The following PLEKHG3 variants were observed in gnomAD, a reference collection of about 807,000 sequenced individuals.
The protein encoded by PLEKHG3 is pleckstrin homology and RhoGEF domain containing G3, also known as pleckstrin homology domain-containing family G member 3.
A neutral mutation model predicts 94.9 loss-of-function variants in PLEKHG3; 62 were observed. The ratio of observed to expected loss-of-function variants is 0.65; its 90% CI spans 0.53 to 0.81. The LOEUF (loss-of-function observed/expected upper bound fraction) is 0.81. PLEKHG3 is among the 30% of genes least tolerant of loss of function. The pLI, the probability that PLEKHG3 is intolerant of heterozygous loss-of-function variation, is 0.00. For missense variants in PLEKHG3, 1,461 were observed against 1,619.3 expected, an observed-to-expected ratio of 0.90 and a Z score of 1.68; for synonymous variants, 614 against 654.0, an observed-to-expected ratio of 0.94 and a Z score of 0.93.
chr14:64,717,097 C>T lies in PLEKHG3; in HGVS notation c.-39-10496C>T, dbSNP rs889427586. 6.7e-5 allele frequency among the ~76,000 whole-genome samples: 10 copies of T among 148,592 alleles called. No individual in the cohort carries two copies. The highest frequency in any genetic ancestry group is 2.3e-4 in the African/African-American group (9 of 39,574). On this transcript the variant is annotated intron_variant, in intron 1 of 16. Transcript: ENST00000247226. This position sits in a 1 kb window ranked among gnomAD's most constrained non-coding sequence, Gnocchi z 4.7. ...CCCTGCTGGCTGAAGGGCTGGCCGC[C>T]TTTGGGAATTTACACGTGTGTGTGT...
chr14:64,710,860 C>T (rs1594657370), intron 1 of PLEKHG3, among the ~76,000 whole-genome samples: 1 of 151,508 alleles, frequency 6.6e-6, no homozygotes, highest in Admixed American at 6.6e-5. Context: ...TGACTTGGCA[C>T]ACCTTGGGTG....
rs530386978 is a variant in PLEKHG3 at position 64,717,369 on chromosome 14, G to A, written c.-39-10224G>A. Among the ~76,000 whole-genome samples the A allele has an allele frequency of 3.3e-5, 5 of 152,288 alleles. No homozygotes were observed. In the South Asian group the frequency reaches 8.3e-4, roughly 25 times the overall value. On this transcript the variant is annotated intron_variant, in intron 1 of 16. Coordinates refer to ENST00000247226, the MANE Select transcript of PLEKHG3 (RefSeq NM_001308147.2). This position sits in a 1 kb window ranked among gnomAD's most constrained non-coding sequence, Gnocchi z 4.7. ...GCTCATGCTTGGAATTGGGAAGGGA[G>A]TTGTGTTTTAGGGAATTGCCCTGGC...
Position 64,727,667 on chromosome 14 carries a change from C to G in PLEKHG3, c.36C>G (p.Ser12Arg), listed in dbSNP as rs1489835512. The change falls in exon 2 of 17, where the codon AGC (serine) becomes AGG (arginine). Residue 12 changes from serine to arginine, a missense_variant. This residue lies in a region of PLEKHG3 where 253 missense variants were observed against 297.8 expected (regional missense o/e 0.85). Coordinates refer to ENST00000247226, the MANE Select transcript of PLEKHG3 (RefSeq NM_001308147.2). The surrounding 1 kb of genome is among the most constrained non-coding windows in gnomAD (Gnocchi z 6.0). ...CCACCTCCCTCCACCAGGATGGCAGCCAGGAGCGGCCGGTGAGCCTGACCT... is the reference window on the plus strand; with the variant it reads ...CCACCTCCCTCCACCAGGATGGCAGGCAGGAGCGGCCGGTGAGCCTGACCT... Reference protein sequence around the residue: ...PVSTSLHQDGSQERPVSLTST... With the variant: ...PVSTSLHQDGRQERPVSLTST... 1 of 1,612,312 alleles carries G rather than the reference C, an allele frequency of 6.2e-7. No homozygotes were observed.
rs1452802089 is a variant in PLEKHG3, at chr14:64,742,071, C to G, written c.2554C>G (p.His852Asp). Residue 852 changes from histidine (H) to aspartate (D), a missense_variant, in exon 16 of 17, where the codon CAT becomes GAT. Physicochemically the swap from His to Asp is moderately conservative, Grantham distance 81 (BLOSUM62 -1). Transcript: ENST00000247226. ...LHEPLFILEE[H>D]ELGAITEESA... ...TGAGCCACTCTTCATCCTGGAGGAG[C>G]ATGAGCTGGGAGCCATCACAGAGGA... The G allele has an allele frequency of 3.7e-6, 6 of 1,607,474 alleles. No homozygotes were observed. The African/African-American group carries it at 5.3e-5, about 14-fold the overall frequency.
Position 64,741,826 on chromosome 14 carries a change from C to T in PLEKHG3, c.2309C>T (p.Pro770Leu). ...CGGCCAGACCCAGAGCCAGTACCTCCAGTGGGGAGCAAGAGACAGGTGGGC... is the reference window on the plus strand; with the variant it reads ...CGGCCAGACCCAGAGCCAGTACCTCTAGTGGGGAGCAAGAGACAGGTGGGC... ...LPRPDPEPVPPVGSKRQVGSR... is the reference protein window; with the variant it reads ...LPRPDPEPVPLVGSKRQVGSR... The change falls in exon 16 of 17, where the codon CCA becomes CTA. Residue 770 changes from proline (P) to leucine (L), a missense_variant. Coordinates refer to ENST00000247226, the MANE Select transcript of PLEKHG3 (RefSeq NM_001308147.2). The T allele has an allele frequency of 6.2e-7, 1 of 1,613,628 alleles. No homozygotes were observed. The highest frequency in any genetic ancestry group is 8.5e-7 in the Non-Finnish European group (1 of 1,180,026).
Position 64,741,035 on chromosome 14 carries a change from G to A in PLEKHG3, c.1519-1G>A. Reference sequence around the variant, plus strand: ...TGTGAGCCTTTTCTGCTATGTTTCAGGTTGAGCCGGACCCTGAGGCTGGGA... The same window carrying A: ...TGTGAGCCTTTTCTGCTATGTTTCAAGTTGAGCCGGACCCTGAGGCTGGGA... On this transcript the variant is annotated splice_acceptor_variant, in intron 15 of 16. Coordinates refer to ENST00000247226, the MANE Select transcript of PLEKHG3 (RefSeq NM_001308147.2). LOFTEE classifies it high-confidence loss of function. The A allele has an allele frequency of 6.4e-7, 1 of 1,572,486 alleles. No individual in the cohort carries two copies. The highest frequency in any genetic ancestry group is 8.6e-7 in the Non-Finnish European group (1 of 1,157,672).
At chr14:64,719,178 C>G (rs901119972) in intron 1 of PLEKHG3, among the ~76,000 whole-genome samples, 12 of 152,182 alleles carry the variant, frequency 7.9e-5, no homozygotes, top group African/African-American at 2.9e-4. Context: ...GATGGATAAA[C>G]ACACGGGTGG....
intron 13 of PLEKHG3, 28 bp downstream of exon 13, chr14:64,736,919 C>T (rs961088512): frequency 3.1e-6 from 5 of 1,592,818 alleles, no homozygotes; most frequent in Non-Finnish European, 4.3e-6. Context: ...CCAGCCATTC[C>T]CAGTGAGCGG....
Position 64,742,161 on chromosome 14 carries a change from C to CACCAG in PLEKHG3, c.2644_2645insACCAG (p.Arg882HisfsTer5). 6.2e-7 allele frequency: 1 copy of CACCAG among 1,612,258 alleles called. No homozygotes were observed. Among genetic ancestry groups the CACCAG allele is most frequent in the Non-Finnish European group, 8.5e-7 (1 of 1,179,980 alleles). On this transcript the variant is annotated frameshift_variant, in exon 16 of 17. Coordinates refer to ENST00000247226, the MANE Select transcript of PLEKHG3 (RefSeq NM_001308147.2). LOFTEE classifies it high-confidence loss of function. ...GGGGCGCAGCCCGGCCCACCTGGCC[C>CACCAG]GGGAGCTGAAAGAGCTGGTGAAGGA...
chr14:64,724,527 C>G (rs999609939), intron 1 of PLEKHG3, among the ~76,000 whole-genome samples: 3 of 152,320 alleles, frequency 2.0e-5, no homozygotes, highest in South Asian at 4.2e-4. Context: ...TACCCATGAC[C>G]TGTGATCCTT....
chr14:64,733,975 A>G (rs2081523472), intron 12 of PLEKHG3, among the ~76,000 whole-genome samples: 1 of 152,134 alleles, frequency 6.6e-6, no homozygotes. Context: ...ACCCTGGGAG[A>G]GAAGGATTCT....
At position 64,749,724 on chromosome 14, in the gene PLEKHG3, G is replaced by A. The variant is rs144652241; in HGVS notation, c.*6021G>A. On this transcript the variant is annotated 3_prime_UTR_variant, in exon 17 of 17. Transcript: ENST00000247226. The surrounding 1 kb of genome is among the most constrained non-coding windows in gnomAD (Gnocchi z 4.7). The stretch of plus-strand genomic sequence containing the variant: ...AGGAGGACAAAGGGTTTCCTGTCAT[G>A]GAGACACCTCTGGAGGGGGCGCTGG... 2.0e-3 allele frequency: 3,303 copies of A among 1,612,092 alleles called. 72 individuals are homozygous for A. The African/African-American group carries it at 0.039, about 19-fold the overall frequency.
In PLEKHG3 at chr14:64,731,843, G is replaced by GGGGCT. The variant is rs2081473379; in HGVS notation, c.1125+37_1125+38insGGGCT. ...GTGGGGCTCAGGGGCTAGGGAACAA[G>GGGGCT]ATGCCCAGGGGACACCTGCGTGGGA... On this transcript the variant is annotated intron_variant, in intron 9 of 16. Transcript: ENST00000247226. The surrounding 1 kb of genome is among the most constrained non-coding windows in gnomAD (Gnocchi z 6.1). The GGGGCT allele has an allele frequency of 4.1e-6, 6 of 1,447,412 alleles. No individual in the cohort carries two copies. The highest frequency in any genetic ancestry group is 5.8e-6 in the Non-Finnish European group (6 of 1,029,736). 89.7% of individuals were successfully genotyped at this position (1,447,412 alleles called of 1,614,324 possible).
chr14:64,720,671 C>T lies in PLEKHG3; in HGVS notation c.-39-6922C>T, dbSNP rs1379498972. ...GTTTCGAGTTCAGAGGAGTATATTACTTCCCTATTGCCACTGTAACAAATT... is the reference window on the plus strand; with the variant it reads ...GTTTCGAGTTCAGAGGAGTATATTATTTCCCTATTGCCACTGTAACAAATT... On this transcript the variant is annotated intron_variant, in intron 1 of 16. Coordinates refer to ENST00000247226, the MANE Select transcript of PLEKHG3 (RefSeq NM_001308147.2). The surrounding 1 kb of genome is among the most constrained non-coding windows in gnomAD (Gnocchi z 4.1). 6.6e-6 allele frequency among the ~76,000 whole-genome samples: 1 copy of T among 152,224 alleles called. No homozygotes were observed. Among genetic ancestry groups the T allele is most frequent in the African/African-American group, 2.4e-5 (1 of 41,456 alleles).
Position 64,750,139 on chromosome 14 carries a change from C to T in PLEKHG3, c.*6436C>T, listed in dbSNP as rs747186041. On this transcript the variant is annotated 3_prime_UTR_variant, in exon 17 of 17. Transcript: ENST00000247226. ...GCTCACTGTTCCTGAGCACACAGTA[C>T]AGGTTGTTCCAGGACCTGCAAAGAT... The T allele has an allele frequency of 7.4e-6, 12 of 1,612,624 alleles. No individual in the cohort carries two copies. The South Asian group carries it at 1.2e-4, about 16-fold the overall frequency.
Position 64,721,292 on chromosome 14 carries a change from CAG to C in PLEKHG3, c.-39-6300_-39-6299del, listed in dbSNP as rs1491158762. On this transcript the variant is annotated intron_variant, in intron 1 of 16. Transcript: ENST00000247226. This position sits in a 1 kb window ranked among gnomAD's most constrained non-coding sequence, Gnocchi z 4.3. ...TGGGCACATGTTGGGTAGGTGGGGA[CAG>C]GGGGGTGTAGATGAACAGCCCTCCC... Among the ~76,000 whole-genome samples the C allele has an allele frequency of 2.6e-5, 4 of 152,114 alleles. No individual in the cohort carries two copies. Among genetic ancestry groups the C allele is most frequent in the African/African-American group, 4.8e-5 (2 of 41,426 alleles).
intron 3 of PLEKHG3, 146 bp downstream of exon 3, chr14:64,729,239 A>T (rs2081411095): frequency 1.8e-6 from 1 of 554,222 alleles, no homozygotes; most frequent in Admixed American, 3.3e-5. Flanking sequence ...AGGGTTGTCC[A>T]TCTCTGTGCC....
intron 13 of PLEKHG3, 103 bp from the exon 14 acceptor site, chr14:64,737,253 C>A: frequency 1.2e-6 from 1 of 857,922 alleles, no homozygotes. Flanking sequence ...GAGGACTTCC[C>A]CAGGGAGCTG....
chr14:64,715,952 TAATTCCCGAGGC>T lies in PLEKHG3; in HGVS notation c.-40+11249_-40+11260del, dbSNP rs1456287908. On this transcript the variant is annotated intron_variant, in intron 1 of 16. Transcript: ENST00000247226. The surrounding 1 kb of genome is among the most constrained non-coding windows in gnomAD (Gnocchi z 4.4). ...GTTTTGCAGGAGGCGGCGGGCGCTT[TAATTCCCGAGGC>T]TGTTGGTGGCAGCTCGCTGCTCACC... 9.1e-6 allele frequency: 4 copies of T among 441,792 alleles called. No homozygotes were observed. The highest frequency in any genetic ancestry group is 1.4e-5 in the Non-Finnish European group (3 of 221,044). 27.4% of individuals were successfully genotyped at this position (441,792 alleles called of 1,614,324 possible).
Sources: allele counts gnomAD v4.1 joint callset (sites outside exome capture counted in the v4.1 genomes callset), GRCh38; gene constraint gnomAD v4.1.1; regional missense constraint gnomAD v4.1.1; non-coding constraint Gnocchi (gnomAD v3.1); transcripts MANE v1.5; gene names NCBI Gene and HGNC (gene_info 2026-07-23, HGNC 2026-07-21).